The following ARHGEF37 variants were observed in gnomAD, a reference collection of about 807,000 sequenced individuals.
ARHGEF37 encodes the protein Rho guanine nucleotide exchange factor (GEF) 37.
ARHGEF37 carries 55 observed loss-of-function variants against 71.1 expected under a neutral mutation model. The ratio of observed to expected loss-of-function variants is 0.77; its 90% confidence interval spans 0.62 to 0.97. The LOEUF is 0.97. Ranked by LOEUF, ARHGEF37 falls within the 50% of genes least tolerant of loss-of-function variation. The probability of loss-of-function intolerance (pLI) is 0.00; values close to 1 mark genes in which losing one functional copy is unlikely to be tolerated. For synonymous variants in ARHGEF37, 327 were observed against 350.6 expected, an observed-to-expected ratio of 0.93 and a Z score of 0.75; for missense variants, 765 against 836.8, an observed-to-expected ratio of 0.91 and a Z score of 1.06.
At chr5:149,610,530 A>T (rs1764048380) in intron 4 of ARHGEF37, among the ~76,000 whole-genome samples, 2 of 152,218 alleles carry the variant, frequency 1.3e-5, no homozygotes, top group Non-Finnish European at 2.9e-5. Context: ...AGTAAAAAAT[A>T]TCTACAGTGC....
intron 3 of ARHGEF37, among the ~76,000 whole-genome samples, chr5:149,602,423 A>T (rs1412845556): frequency 6.6e-6 from 1 of 151,968 alleles, no homozygotes; most frequent in Non-Finnish European, 1.5e-5. Context: ...GTGAGAGTGG[A>T]AGCAGCGAGA....
chr5:149,588,745 TAAGA>T (rs1763311905), intron 1 of ARHGEF37, among the ~76,000 whole-genome samples: 1 of 151,806 alleles, frequency 6.6e-6, no homozygotes, highest in Non-Finnish European at 1.5e-5. Context: ...CTCCTGGGAG[TAAGA>T]AAGGGAAAGA....
upstream of ARHGEF37, among the ~76,000 whole-genome samples, chr5:149,577,369 G>C (rs1249585605): frequency 6.6e-6 from 1 of 152,142 alleles, no homozygotes; most frequent in African/African-American, 2.4e-5. Context: ...GACTCTAAAA[G>C]AGGTAGACAG....
rs913545348 is a variant in ARHGEF37 at position 149,634,339 on chromosome 5, G to C, written c.*2148G>C. ...TCTGCACTAGCTAGTTCAAACAGGC[G>C]CTTTAAAGGCAGTGTGAAAGGGGAC... On this transcript the variant is annotated 3_prime_UTR_variant, in exon 13 of 13. Transcript: ENST00000333677. 1 of 152,166 alleles carries C rather than the reference G, an allele frequency of 6.6e-6. No homozygotes were observed. The highest frequency in any genetic ancestry group is 1.5e-5 in the Non-Finnish European group (1 of 68,040). The allele number at this position is 152,166 out of a possible 1,614,324, so 9.4% of individuals were successfully genotyped here.
chr5:149,599,290 A>T (rs545253325), intron 2 of ARHGEF37, among the ~76,000 whole-genome samples: 1 of 152,290 alleles, frequency 6.6e-6, no homozygotes, highest in East Asian at 1.9e-4. Flanking sequence ...GGTGTCATGG[A>T]CACAGAGGCC....
intron 1 of ARHGEF37, among the ~76,000 whole-genome samples, chr5:149,573,570 A>G (rs1054110258): frequency 1.3e-5 from 2 of 151,996 alleles, no homozygotes; most frequent in Non-Finnish European, 2.9e-5. Flanking sequence ...ATTTTCCTTC[A>G]TGGCATGTAT....
At position 149,613,062 on chromosome 5, in the gene ARHGEF37, C is replaced by T. The variant is rs1269217285; in HGVS notation, c.458+3367C>T. On this transcript the variant is annotated intron_variant, in intron 4 of 12. Transcript: ENST00000333677. ...AAAAGGCGGCCTTGCAGAGGTGGGC[C>T]CGTCCAGCACAAAGCACTGCAATTC... Among the ~76,000 whole-genome samples, 3 of 152,162 alleles carry T rather than the reference C, an allele frequency of 2.0e-5. No homozygotes were observed. The East Asian group carries it at 5.8e-4, about 29-fold the overall frequency.
chr5:149,598,326 T>TTC lies in ARHGEF37; in HGVS notation c.186+372_186+373insCT, dbSNP rs771004424. On this transcript the variant is annotated intron_variant, in intron 2 of 12. Coordinates refer to ENST00000333677, the MANE Select transcript of ARHGEF37 (RefSeq NM_001001669.3). ...CTTCTTCTTCTTCTTCTTCTTCTTC[T>TTC]TTCTTCCTCTTCCTCTTCCTCTTCT... Among the ~76,000 whole-genome samples, 812 of 87,036 alleles carry TTC rather than the reference T, an allele frequency of 9.3e-3. 5 individuals carry two copies. The highest frequency in any genetic ancestry group is 0.026 in the African/African-American group (561 of 21,760). 57.1% of individuals were successfully genotyped at this position (87,036 alleles called of 152,430 possible). A position where few individuals can be genotyped will look rare whatever the true frequency, so the allele number is the denominator to read the frequency against.
chr5:149,589,343 T>TTA (rs1763331299), intron 1 of ARHGEF37, among the ~76,000 whole-genome samples: 1 of 133,858 alleles, frequency 7.5e-6, no homozygotes, highest in Admixed American at 8.2e-5. Context: ...TTAATTAATT[T>TTA]ATAAGACAGG....
chr5:149,621,257 G>GT (rs1323224115), intron 8 of ARHGEF37, among the ~76,000 whole-genome samples: 8 of 152,148 alleles, frequency 5.3e-5, no homozygotes, highest in African/African-American at 1.7e-4. Context: ...GAGCCCAGTT[G>GT]TTAGAGACCA....
At chr5:149,616,060 A>C (rs1752365478) in intron 4 of ARHGEF37, among the ~76,000 whole-genome samples, 1 of 152,206 alleles carries the variant, frequency 6.6e-6, no homozygotes, top group South Asian at 2.1e-4. Context: ...GCTCTGGAAC[A>C]GAAGTTGGAA....
chr5:149,580,210 A>ATG, upstream of ARHGEF37, among the ~76,000 whole-genome samples: 1 of 151,950 alleles, frequency 6.6e-6, no homozygotes, highest in Non-Finnish European at 1.5e-5. Context: ...ACAGGTGTGC[A>ATG]CCACCACGCC....
Position 149,619,008 on chromosome 5 carries a change from A to G in ARHGEF37, c.860A>G (p.Lys287Arg). The G allele has an allele frequency of 1.2e-6, 2 of 1,614,186 alleles. No individual in the cohort carries two copies. Among genetic ancestry groups the G allele is most frequent in the African/African-American group, 1.3e-5 (1 of 75,046 alleles). Residue 287 changes from lysine to arginine, a missense_variant, in exon 7 of 13, where the codon AAG becomes AGG. Around this residue, in one of 5 missense-constraint regions of ARHGEF37, gnomAD observed 167 missense variants for 173.3 expected, o/e 0.96. Coordinates refer to ENST00000333677, the MANE Select transcript of ARHGEF37 (RefSeq NM_001001669.3). ...GTGTCTCTGTGTGTGACTGAGCTGA[A>G]GAACAACGTGGCTGCTTACCTGGAC... ...QWVSLCVTEL[K>R]NNVAAYLDNL...
chr5:149,562,611 T>A (rs1762848297), intron 1 of ARHGEF37, among the ~76,000 whole-genome samples: 1 of 152,062 alleles, frequency 6.6e-6, no homozygotes, highest in Non-Finnish European at 1.5e-5. Flanking sequence ...CACACCCGGC[T>A]AACTTTTTGT....
chr5:149,609,060 C>G (rs1763996761), intron 3 of ARHGEF37, among the ~76,000 whole-genome samples: 2 of 152,032 alleles, frequency 1.3e-5, no homozygotes, highest in Admixed American at 6.5e-5. Context: ...TAGCATGAGC[C>G]TGTAATCCCA....
Position 149,558,034 on chromosome 5 carries a change from TATC to T in ARHGEF37, c.-12+5914_-12+5916del, listed in dbSNP as rs376808823. Among the ~76,000 whole-genome samples, 665 of 152,090 alleles carry T rather than the reference TATC, an allele frequency of 4.4e-3. 6 individuals carry two copies. The highest frequency in any genetic ancestry group is 0.016 in the African/African-American group (647 of 41,518). ...GTGCCTGCCACCACGACTGGCTAAT[TATC>T]ATATTTTTAGTAGAGATGGGCAGAG... On this transcript the variant is annotated intron_variant, in intron 1 of 2. Coordinates refer to the ARHGEF37 transcript ENST00000505810.
At chr5:149,612,805 C>T (rs1183904410) in intron 4 of ARHGEF37, among the ~76,000 whole-genome samples, 4 of 152,232 alleles carry the variant, frequency 2.6e-5, no homozygotes, top group Non-Finnish European at 5.9e-5. Flanking sequence ...ACCACGCCAG[C>T]CATAACTAGT....
chr5:149,558,364 G>A (rs1478358700), intron 1 of ARHGEF37, among the ~76,000 whole-genome samples: 1 of 152,094 alleles, frequency 6.6e-6, no homozygotes, highest in African/African-American at 2.4e-5. Context: ...AAATTAGCTG[G>A]GCGTGGTGGC....
chr5:149,601,062 C>A (rs777334537), intron 2 of ARHGEF37, 46 bp from the exon 3 acceptor site: 2 of 1,589,668 alleles, frequency 1.3e-6, no homozygotes, highest in East Asian at 4.5e-5. Flanking sequence ...CAAATACATT[C>A]TATGGAACTC....
Sources: allele counts gnomAD v4.1 joint callset (sites outside exome capture counted in the v4.1 genomes callset), GRCh38; gene constraint gnomAD v4.1.1; regional missense constraint gnomAD v4.1.1; transcripts MANE v1.5; gene names NCBI Gene and HGNC (gene_info 2026-07-23, HGNC 2026-07-21).